Variants in COLEC12 observed in about 807,000 individuals in gnomAD.
The protein encoded by COLEC12 is collectin-12.
Under a neutral mutation model 71.1 loss-of-function variants are expected in COLEC12, and 33 were observed. The ratio of observed to expected loss-of-function variants is 0.46; its 90% CI spans 0.35 to 0.62. The LOEUF (loss-of-function observed/expected upper bound fraction) is 0.62, where lower values mean the gene tolerates loss of function less well. Among genes scored for constraint, COLEC12 ranks in the 20% least tolerant of loss-of-function variants. The pLI, the probability that COLEC12 is intolerant of heterozygous loss-of-function variation, is 0.00. For missense variants in COLEC12, 765 were observed against 916.1 expected, an observed-to-expected ratio of 0.84 and a Z score of 2.13; for synonymous variants, 350 against 353.0, an observed-to-expected ratio of 0.99 and a Z score of 0.10.
chr18:416,486 G>T (rs1915988523), intron 2 of COLEC12, among the ~76,000 whole-genome samples: 1 of 152,094 alleles, frequency 6.6e-6, no homozygotes, highest in African/African-American at 2.4e-5. Context: ...TCAACATTTT[G>T]GTTAAATGGC....
rs180771503 is a variant in COLEC12 at position 357,487 on chromosome 18, T to G, written c.94A>C (p.Asn32His). The change falls in exon 3 of 10, where the codon AAT (asparagine) becomes CAT (histidine). Residue 32 changes from asparagine (N) to histidine (H), a missense_variant. Coordinates refer to ENST00000400256, the MANE Select transcript of COLEC12 (RefSeq NM_130386.3). ...ATAGAAAACTTCAGTGCCCAGTTATTTTTACATTTGGTACATTGTGTTCCT... is the reference window on the plus strand; with the variant it reads ...ATAGAAAACTTCAGTGCCCAGTTATGTTTACATTTGGTACATTGTGTTCCT... ...QEGTQCTKCKNNWALKFSIIL... is the reference protein window; with the variant it reads ...QEGTQCTKCKHNWALKFSIIL... 6.3e-7 allele frequency: 1 copy of G among 1,592,576 alleles called. No homozygotes were observed. The highest frequency in any genetic ancestry group is 1.3e-5 in the African/African-American group (1 of 74,392).
At position 335,002 on chromosome 18, in the gene COLEC12, G is replaced by C; in HGVS notation, c.1556C>G (p.Pro519Arg). The change falls in exon 6 of 10, where the codon CCT becomes CGT. Residue 519 changes from proline (P) to arginine (R), a missense_variant. Coordinates refer to ENST00000400256, the MANE Select transcript of COLEC12 (RefSeq NM_130386.3). ...GSRGSPGKPG[P>R]QGSSGDPGPP... ...GCCTGGGTCCCCACTGGAGCCCTGA[G>C]GGCCGGGCTTCCCAGGGGAACCACG... 6.3e-7 allele frequency: 1 copy of C among 1,584,136 alleles called. No individual in the cohort carries two copies.
intron 2 of COLEC12, among the ~76,000 whole-genome samples, chr18:369,971 T>C (rs138179573): frequency 1.3e-3 from 191 of 152,228 alleles, no homozygotes; most frequent in Middle Eastern, 0.01. Flanking sequence ...GAAGATATTC[T>C]GTTTACCTCT....
chr18:368,756 C>G (rs1914922152), intron 2 of COLEC12, among the ~76,000 whole-genome samples: 1 of 152,112 alleles, frequency 6.6e-6, no homozygotes, highest in South Asian at 2.1e-4. Flanking sequence ...GTCCCAGCTA[C>G]TTCTGAGGCT....
intron 3 of COLEC12, among the ~76,000 whole-genome samples, chr18:352,557 G>T (rs1360033351): frequency 6.6e-6 from 1 of 152,100 alleles, no homozygotes; most frequent in Non-Finnish European, 1.5e-5. Flanking sequence ...TGCAGCAAAA[G>T]GAAACTATTT....
chr18:365,372 G>C (rs1914832752), intron 2 of COLEC12, among the ~76,000 whole-genome samples: 1 of 152,192 alleles, frequency 6.6e-6, no homozygotes, highest in Non-Finnish European at 1.5e-5. Context: ...GGGAGTTTTT[G>C]GAGTGAGATG....
chr18:480,763 A>G lies in COLEC12; in HGVS notation c.8-6T>C. On this transcript the variant is annotated splice_polypyrimidine_tract_variant and splice_region_variant and intron_variant, in intron 1 of 9. Transcript: ENST00000400256. This position sits in a 1 kb window ranked among gnomAD's most constrained non-coding sequence, Gnocchi z 4.1. ...CTCCTCCTCTGCGAAGTCGTCTGTG[A>G]GAGAAGAAGAGACACGATGTTAATC... The G allele has an allele frequency of 6.2e-7, 1 of 1,613,856 alleles. No homozygotes were observed. Among genetic ancestry groups the G allele is most frequent in the East Asian group, 2.2e-5 (1 of 44,880 alleles).
chr18:339,528 C>T (rs1445043373), intron 5 of COLEC12, among the ~76,000 whole-genome samples: 2 of 134,848 alleles, frequency 1.5e-5, no homozygotes, highest in Non-Finnish European at 1.7e-5. Context: ...TTGTGATTGA[C>T]TTCCCAGCAA....
chr18:452,373 T>G (rs1007636801), intron 2 of COLEC12, among the ~76,000 whole-genome samples: 3 of 152,170 alleles, frequency 2.0e-5, no homozygotes, highest in Admixed American at 2.0e-4. Context: ...AGCGCTATAG[T>G]AAGAATTAAT....
At position 391,344 on chromosome 18, in the gene COLEC12, T is replaced by C. The variant is rs564113399; in HGVS notation, c.59-33822A>G. ...GAGAAGAGAACAGGAAAGAACATTT[T>C]ACCCTCCACAATTTGGGGGTGGATT... On this transcript the variant is annotated intron_variant, in intron 2 of 9. Transcript: ENST00000400256. Among the ~76,000 whole-genome samples the C allele has an allele frequency of 7.2e-5, 11 of 152,340 alleles. No homozygotes were observed. In the South Asian group the frequency reaches 2.1e-3, roughly 29 times the overall value.
At position 319,225 on chromosome 18, in the gene COLEC12, A is replaced by G. The variant is rs1339096901; in HGVS notation, c.*820T>C. 6.6e-6 allele frequency: 1 copy of G among 151,666 alleles called. No homozygotes were observed. Among genetic ancestry groups the G allele is most frequent in the Admixed American group, 6.6e-5 (1 of 15,164 alleles). 9.4% of individuals were successfully genotyped at this position (151,666 alleles called of 1,614,324 possible). A position where few individuals can be genotyped will look rare whatever the true frequency, so the allele number is the denominator to read the frequency against. ...GCTCAAGGCAGGCACAGCCCGCTTC[A>G]CTGTGCATGTGTGCAGGCTTGATTG... is the stretch of plus-strand genomic sequence containing the variant. On this transcript the variant is annotated 3_prime_UTR_variant, in exon 10 of 10. Transcript: ENST00000400256.
intron 5 of COLEC12, among the ~76,000 whole-genome samples, chr18:345,623 C>G (rs956376635): frequency 5.3e-5 from 8 of 152,192 alleles, no homozygotes; most frequent in African/African-American, 1.2e-4. Context: ...ATGTAACTCC[C>G]TTAATGGTAG....
chr18:323,756 T>C (rs1282784606), intron 8 of COLEC12, among the ~76,000 whole-genome samples: 1 of 152,210 alleles, frequency 6.6e-6, no homozygotes, highest in East Asian at 1.9e-4. Flanking sequence ...TGTATAATGA[T>C]AGGATATTTG....
chr18:478,073 C>A (rs532145719), intron 2 of COLEC12, among the ~76,000 whole-genome samples: 1 of 152,164 alleles, frequency 6.6e-6, no homozygotes, highest in East Asian at 1.9e-4. Context: ...ATGAGGCCTC[C>A]CCAGTGGAAC....
chr18:322,973 C>G (rs1162517405), intron 8 of COLEC12, among the ~76,000 whole-genome samples: 1 of 152,128 alleles, frequency 6.6e-6, no homozygotes, highest in Non-Finnish European at 1.5e-5. Flanking sequence ...GCCTGTAATC[C>G]CAGCGTTTTG....
intron 2 of COLEC12, among the ~76,000 whole-genome samples, chr18:400,368 A>G (rs1339130759): frequency 6.6e-6 from 1 of 152,172 alleles, no homozygotes; most frequent in Non-Finnish European, 1.5e-5. Context: ...AACTTAAGGG[A>G]AAAGAGGGCC....
intron 2 of COLEC12, among the ~76,000 whole-genome samples, chr18:463,872 G>T (rs979088579): frequency 6.6e-6 from 1 of 152,088 alleles, no homozygotes; most frequent in Non-Finnish European, 1.5e-5. Flanking sequence ...CAGAGACCAG[G>T]CATTTTAATC....
At position 362,180 on chromosome 18, in the gene COLEC12, T is replaced by C. The variant is rs1422700045; in HGVS notation, c.59-4658A>G. On this transcript the variant is annotated intron_variant, in intron 2 of 9. Coordinates refer to ENST00000400256, the MANE Select transcript of COLEC12 (RefSeq NM_130386.3). The surrounding 1 kb of genome is among the most constrained non-coding windows in gnomAD (Gnocchi z 4.6). ...TCGTGCAGATCCAAGCCCGGACAGC[T>C]GTCACTGGTTCACATTCCAAAGAGC... Among the ~76,000 whole-genome samples, 1 of 152,162 alleles carries C rather than the reference T, an allele frequency of 6.6e-6. No individual in the cohort carries two copies. The highest frequency in any genetic ancestry group is 2.4e-5 in the African/African-American group (1 of 41,440).
At chr18:444,333 C>T (rs563052457) in intron 2 of COLEC12, among the ~76,000 whole-genome samples, 1 of 151,944 alleles carries the variant, frequency 6.6e-6, no homozygotes, top group East Asian at 1.9e-4. Flanking sequence ...ATGTTTATAC[C>T]ATACTTTGGA....
Sources: allele counts gnomAD v4.1 joint callset (sites outside exome capture counted in the v4.1 genomes callset), GRCh38; gene constraint gnomAD v4.1.1; non-coding constraint Gnocchi (gnomAD v3.1); transcripts MANE v1.5; gene names NCBI Gene and HGNC (gene_info 2026-07-23, HGNC 2026-07-21).